Variants in CSRNP3 observed in about 807,000 individuals in gnomAD.
CSRNP3 encodes the protein cysteine/serine-rich nuclear protein 3.
CSRNP3 carries 12 observed loss-of-function variants against 48.0 expected under a neutral mutation model. The ratio of observed to expected loss-of-function variants is 0.25; its 90% CI spans 0.16 to 0.41. The LOEUF (loss-of-function observed/expected upper bound fraction) is 0.41, where lower values mean the gene tolerates loss of function less well. Among genes scored for constraint, CSRNP3 ranks in the 10% least tolerant of loss-of-function variants. CSRNP3 has a pLI of 1.00. For missense variants in CSRNP3, 580 were observed against 724.4 expected (o/e 0.80, Z 2.29); for synonymous variants, 263 against 269.7 (o/e 0.98, Z 0.24).
chr2:165,554,708 T>C (rs1189975154), intron 3 of CSRNP3, among the ~76,000 whole-genome samples: 1 of 152,208 alleles, frequency 6.6e-6, no homozygotes, highest in Non-Finnish European at 1.5e-5. Context: ...TCCGGAAGTT[T>C]GGAATAGCCT....
chr2:165,648,168 G>A (rs1343066464), intron 4 of CSRNP3, among the ~76,000 whole-genome samples: 1 of 152,090 alleles, frequency 6.6e-6, no homozygotes, highest in African/African-American at 2.4e-5. Flanking sequence ...AAGACTGATT[G>A]TGAAATGTAG....
intron 1 of CSRNP3, among the ~76,000 whole-genome samples, chr2:165,494,076 G>A (rs1279338657): frequency 3.3e-5 from 5 of 152,114 alleles, no homozygotes; most frequent in African/African-American, 1.2e-4. Context: ...AATACAGAGA[G>A]TGAAGAGATT....
chr2:165,495,597 A>T (rs150156862), intron 2 of CSRNP3, among the ~76,000 whole-genome samples: 108 of 152,212 alleles, frequency 7.1e-4, no homozygotes, highest in African/African-American at 2.6e-3. Flanking sequence ...GAAATAGGTG[A>T]TCCTTTTCCA....
intron 4 of CSRNP3, 123 bp downstream of exon 4, chr2:165,595,336 C>G: frequency 1.1e-6 from 1 of 880,798 alleles, no homozygotes; most frequent in Non-Finnish European, 1.7e-6. Context: ...ATACAAAGAA[C>G]ACTTACCCAA....
At chr2:165,482,511 C>T (rs1190926050) in intron 1 of CSRNP3, among the ~76,000 whole-genome samples, 3 of 152,024 alleles carry the variant, frequency 2.0e-5, no homozygotes, top group African/African-American at 4.8e-5. Context: ...GTGATCTGCC[C>T]GCCTTGGCCT....
At chr2:165,608,843 C>A (rs1686076533) in intron 4 of CSRNP3, among the ~76,000 whole-genome samples, 1 of 148,006 alleles carries the variant, frequency 6.8e-6, no homozygotes, top group Non-Finnish European at 1.5e-5. Flanking sequence ...GTAATCCCAG[C>A]ACTTTGGGAG....
At chr2:165,593,324 T>C (rs1685753468) in intron 3 of CSRNP3, among the ~76,000 whole-genome samples, 1 of 152,180 alleles carries the variant, frequency 6.6e-6, no homozygotes, top group Non-Finnish European at 1.5e-5. Context: ...CTAAAAAGCA[T>C]GCTAAATTAC....
At chr2:165,577,790 A>G (rs1033842173) in intron 3 of CSRNP3, among the ~76,000 whole-genome samples, 1 of 151,856 alleles carries the variant, frequency 6.6e-6, no homozygotes. Context: ...TCAGAAATCA[A>G]TTTTGAACTT....
At chr2:165,670,134 G>A (rs1479610755) in intron 5 of CSRNP3, among the ~76,000 whole-genome samples, 1 of 152,034 alleles carries the variant, frequency 6.6e-6, no homozygotes, top group African/African-American at 2.4e-5. Flanking sequence ...CCTATCTCAG[G>A]CCTTTGAAAC....
At chr2:165,528,253 T>G (rs1240785271) in intron 3 of CSRNP3, among the ~76,000 whole-genome samples, 3 of 152,214 alleles carry the variant, frequency 2.0e-5, no homozygotes, top group Non-Finnish European at 2.9e-5. Context: ...TGCAAATATT[T>G]TATCCTAATT....
intron 3 of CSRNP3, among the ~76,000 whole-genome samples, chr2:165,529,426 T>C (rs1393111333): frequency 1.3e-5 from 2 of 152,162 alleles, no homozygotes; most frequent in Admixed American, 1.3e-4. Context: ...GCCCAAGCTC[T>C]CATTCCCTCT....
At chr2:165,564,547 A>C (rs1053273286) in intron 3 of CSRNP3, among the ~76,000 whole-genome samples, 3 of 152,010 alleles carry the variant, frequency 2.0e-5, no homozygotes, top group African/African-American at 7.2e-5. Flanking sequence ...CTGAGATCAC[A>C]GTGTGCATAT....
At position 165,678,205 on chromosome 2, in the gene CSRNP3, A is replaced by T. The variant is rs577443902; in HGVS notation, c.706-496A>T. On this transcript the variant is annotated intron_variant, in intron 6 of 6. Transcript: ENST00000651982. ...CAAAGGGAAAAGCACCTTTATAATA[A>T]GCAAAAGCAAAAGGAAAAGTTAACA... Among the ~76,000 whole-genome samples, 33 of 152,354 alleles carry T rather than the reference A, an allele frequency of 2.2e-4. No individual in the cohort carries two copies. In the Middle Eastern group the frequency reaches 0.01, roughly 47 times the overall value.
At chr2:165,499,264 G>T (rs1684326003) in intron 2 of CSRNP3, among the ~76,000 whole-genome samples, 1 of 152,146 alleles carries the variant, frequency 6.6e-6, no homozygotes, top group Non-Finnish European at 1.5e-5. Context: ...GATGAAATCT[G>T]CGCCTGAAGC....
chr2:165,685,533 A>T lies in CSRNP3; in HGVS notation c.*5780A>T, dbSNP rs75596015. The T allele has an allele frequency of 2.0e-5, 3 of 152,174 alleles. No homozygotes were observed. The highest frequency in any genetic ancestry group is 1.9e-4 in the East Asian group (1 of 5,182). The allele number at this position is 152,174 out of a possible 1,614,324, so 9.4% of individuals were successfully genotyped here. On this transcript the variant is annotated 3_prime_UTR_variant, in exon 7 of 7. Coordinates refer to ENST00000651982, the MANE Select transcript of CSRNP3 (RefSeq NM_001172173.2). Reference sequence around the variant, plus strand: ...TGTTTCAGTTTACTTTTATATGTAGATTTTTTAAATATTCACATCTAGCCT... The same window carrying T: ...TGTTTCAGTTTACTTTTATATGTAGTTTTTTTAAATATTCACATCTAGCCT...
intron 2 of CSRNP3, among the ~76,000 whole-genome samples, chr2:165,517,594 T>G (rs1218984122): frequency 6.6e-6 from 1 of 151,960 alleles, no homozygotes; most frequent in Admixed American, 6.6e-5. Context: ...TATCTTTAAC[T>G]TATTGTCCCA....
intron 3 of CSRNP3, among the ~76,000 whole-genome samples, chr2:165,571,382 T>A (rs2105274437): frequency 6.6e-6 from 1 of 152,062 alleles, no homozygotes; most frequent in East Asian, 1.9e-4. Flanking sequence ...TAAGTTCCAA[T>A]AACTAAATAG....
chr2:165,597,551 A>G (rs1436940773), intron 4 of CSRNP3, among the ~76,000 whole-genome samples: 1 of 152,168 alleles, frequency 6.6e-6, no homozygotes, highest in Non-Finnish European at 1.5e-5. Flanking sequence ...GAATCACTAT[A>G]TGAACTTTGA....
At chr2:165,524,363 A>G (rs1684705169) in intron 3 of CSRNP3, among the ~76,000 whole-genome samples, 1 of 152,208 alleles carries the variant, frequency 6.6e-6, no homozygotes, top group Admixed American at 6.5e-5. Context: ...ATTTTAAAAT[A>G]TTATTGAACA....
Sources: allele counts gnomAD v4.1 joint callset (sites outside exome capture counted in the v4.1 genomes callset), GRCh38; gene constraint gnomAD v4.1.1; transcripts MANE v1.5; gene names NCBI Gene and HGNC (gene_info 2026-07-23, HGNC 2026-07-21).